Variants in UNC13B observed in about 807,000 individuals in gnomAD.
The protein encoded by UNC13B is unc-13 homolog B.
UNC13B carries 144 observed loss-of-function variants against 211.0 expected under a neutral mutation model. The ratio of observed to expected loss-of-function variants is 0.68; its 90% CI spans 0.60 to 0.78. The LOEUF (loss-of-function observed/expected upper bound fraction) is 0.78. Ranked by LOEUF, UNC13B falls within the 30% of genes least tolerant of loss-of-function variation. The pLI, the probability that UNC13B is intolerant of heterozygous loss-of-function variation, is 0.00. For missense variants in UNC13B, 1,777 were observed against 2,002.0 expected (o/e 0.89, Z 2.14); for synonymous variants, 709 against 725.8 (o/e 0.98, Z 0.37).
intron 1 of UNC13B, among the ~76,000 whole-genome samples, chr9:35,200,120 T>C (rs550121178): frequency 5.3e-5 from 8 of 152,340 alleles, no homozygotes; most frequent in African/African-American, 1.9e-4. Flanking sequence ...TTTCTTGTTT[T>C]TGTCAGGTTT....
At chr9:35,175,328 T>C (rs1821563955) in intron 1 of UNC13B, among the ~76,000 whole-genome samples, 1 of 152,132 alleles carries the variant, frequency 6.6e-6, no homozygotes, top group Non-Finnish European at 1.5e-5. Context: ...AATAAAGACA[T>C]TAGCTTGAAT....
At position 35,300,610 on chromosome 9, in the gene UNC13B, T is replaced by C; in HGVS notation, c.1206T>C (p.Asn402=). 2.5e-6 allele frequency: 1 copy of C among 399,044 alleles called. No homozygotes were observed. Among genetic ancestry groups the C allele is most frequent in the Non-Finnish European group, 4.4e-6 (1 of 226,034 alleles). The allele number at this position is 399,044 out of a possible 1,614,324, so 24.7% of individuals were successfully genotyped here. The change falls in exon 9 of 40, where the codon AAT becomes AAC. Residue 402 remains asparagine, a synonymous_variant. Transcript: ENST00000635942. ...NLQSPTWHSS[N]VHHIGDFPEE... ...AGTCACCAACATGGCATTCATCCAA[T>C]GTCCACCATATTGGAGATTTTCCTG...
intron 11 of UNC13B, among the ~76,000 whole-genome samples, chr9:35,354,446 C>T (rs1832902781): frequency 6.6e-6 from 1 of 152,134 alleles, no homozygotes; most frequent in Non-Finnish European, 1.5e-5. Context: ...ATAGTGCTGA[C>T]CTAGCCCTAG....
At chr9:35,165,829 A>T (rs1359512746) in intron 1 of UNC13B, among the ~76,000 whole-genome samples, 1 of 152,172 alleles carries the variant, frequency 6.6e-6, no homozygotes, top group Non-Finnish European at 1.5e-5. Flanking sequence ...GCACAGCTTT[A>T]CTTATAATAC....
At chr9:35,362,608 G>A (rs1214964309) in intron 11 of UNC13B, among the ~76,000 whole-genome samples, 1 of 152,134 alleles carries the variant, frequency 6.6e-6, no homozygotes, top group Non-Finnish European at 1.5e-5. Context: ...AGGAGATCAA[G>A]ACCATCCTGG....
rs188686685 is a variant in UNC13B, at chr9:35,299,850, C to G, written c.762-316C>G. Among the ~76,000 whole-genome samples, 3 of 152,182 alleles carry G rather than the reference C, an allele frequency of 2.0e-5. No individual in the cohort carries two copies. In the East Asian group the frequency reaches 5.8e-4, roughly 29 times the overall value. ...TGCTTTATTGTTCCTCCAATTTTAT[C>G]CCTTCACATCAGACAAGGCTCACAG... On this transcript the variant is annotated intron_variant, in intron 8 of 39. Coordinates refer to ENST00000635942, the MANE Select transcript of UNC13B (RefSeq NM_001371189.2).
chr9:35,185,603 A>G (rs901877113), intron 1 of UNC13B, among the ~76,000 whole-genome samples: 1 of 152,160 alleles, frequency 6.6e-6, no homozygotes, highest in Non-Finnish European at 1.5e-5. Flanking sequence ...TGCAGCTGTT[A>G]AAAGAACTCT....
At chr9:35,292,314 C>T (rs928254227) in intron 7 of UNC13B, among the ~76,000 whole-genome samples, 17 of 152,148 alleles carry the variant, frequency 1.1e-4, no homozygotes, top group Non-Finnish European at 1.0e-4. Context: ...GATGACCTTC[C>T]CAGCCTACTT....
intron 1 of UNC13B, among the ~76,000 whole-genome samples, chr9:35,183,597 C>T (rs1174884872): frequency 9.8e-5 from 14 of 143,244 alleles, no homozygotes; most frequent in Admixed American, 6.9e-4. Flanking sequence ...TGGGCAGAGG[C>T]GCTCCTCACC....
At chr9:35,171,830 T>C (rs1316765411) in intron 1 of UNC13B, among the ~76,000 whole-genome samples, 4 of 152,210 alleles carry the variant, frequency 2.6e-5, no homozygotes, top group Non-Finnish European at 5.9e-5. Flanking sequence ...TTTATTTATT[T>C]AATGTATTTC....
intron 11 of UNC13B, among the ~76,000 whole-genome samples, chr9:35,365,859 G>A (rs2132153119): frequency 6.6e-6 from 1 of 152,294 alleles, no homozygotes; most frequent in Non-Finnish European, 1.5e-5. Flanking sequence ...AACCTAAGAG[G>A]AGTCTTAAAT....
chr9:35,208,144 C>G (rs1823767390), intron 1 of UNC13B, among the ~76,000 whole-genome samples: 1 of 152,124 alleles, frequency 6.6e-6, no homozygotes, highest in African/African-American at 2.4e-5. Flanking sequence ...TGTAAACTCC[C>G]CTTTCTGGAA....
At chr9:35,164,931 C>G (rs968410992) in intron 1 of UNC13B, among the ~76,000 whole-genome samples, 1 of 152,102 alleles carries the variant, frequency 6.6e-6, no homozygotes, top group Non-Finnish European at 1.5e-5. Flanking sequence ...TATTGTGGTG[C>G]TTATGGTGAC....
At chr9:35,195,086 TA>T (rs34893622) in intron 1 of UNC13B, among the ~76,000 whole-genome samples, 148,288 of 152,206 alleles carry the variant, frequency 0.97, 72,346 homozygotes, top group East Asian at 1. Flanking sequence ...CTAATCTTTT[TA>T]ATGCAAATGG....
chr9:35,241,838 T>C (rs1017008476), intron 5 of UNC13B, among the ~76,000 whole-genome samples: 2 of 152,184 alleles, frequency 1.3e-5, no homozygotes, highest in African/African-American at 4.8e-5. Flanking sequence ...CGTTGTAGAC[T>C]ATTTGAAGGT....
intron 1 of UNC13B, among the ~76,000 whole-genome samples, chr9:35,202,677 C>CT (rs1250699122): frequency 6.6e-6 from 1 of 151,394 alleles, no homozygotes; most frequent in Non-Finnish European, 1.5e-5. Context: ...GCAACCTTTG[C>CT]TTTTTTTTGT....
At chr9:35,204,346 C>G (rs565571356) in intron 1 of UNC13B, among the ~76,000 whole-genome samples, 1 of 152,188 alleles carries the variant, frequency 6.6e-6, no homozygotes, top group Non-Finnish European at 1.5e-5. Flanking sequence ...TGGGAGCCCC[C>G]CCACAGAGTC....
chr9:35,342,783 A>G (rs1745893505), intron 11 of UNC13B, among the ~76,000 whole-genome samples: 1 of 152,248 alleles, frequency 6.6e-6, no homozygotes, highest in South Asian at 2.1e-4. Context: ...CTACTTGCAC[A>G]TACATATATA....
chr9:35,238,757 C>A (rs1825650036), intron 5 of UNC13B, among the ~76,000 whole-genome samples: 1 of 152,024 alleles, frequency 6.6e-6, no homozygotes, highest in African/African-American at 2.4e-5. Context: ...AGGGTTTCAC[C>A]ATGTTGGTCA....
Sources: gnomAD v4.1 joint callset for allele counts (sites outside exome capture counted in the v4.1 genomes callset) on GRCh38, gnomAD v4.1.1 for gene constraint, MANE v1.5 for transcripts, NCBI Gene and HGNC (gene_info 2026-07-23, HGNC 2026-07-21) for gene names.